The following MITF variants were observed in gnomAD, a reference collection of about 807,000 sequenced individuals.
The protein encoded by MITF is melanocyte inducing transcription factor.
In MITF, 17 loss-of-function variants were observed where a neutral mutation model predicts 60.5. That is an observed-to-expected ratio of 0.28 (90% CI 0.19 to 0.42). The LOEUF (loss-of-function observed/expected upper bound fraction) is 0.42, where lower values mean the gene tolerates loss of function less well. Ranked by LOEUF, MITF falls within the 10% of genes least tolerant of loss-of-function variation. The pLI is 1.00. For missense variants in MITF, 622 were observed against 683.5 expected (o/e 0.91, Z 1.00); for synonymous variants, 260 against 248.5 (o/e 1.05, Z -0.43).
intron 1 of MITF, among the ~76,000 whole-genome samples, chr3:69,740,302 G>C (rs1559602156): frequency 6.6e-6 from 1 of 152,182 alleles, no homozygotes; most frequent in Non-Finnish European, 1.5e-5. Context: ...CGCGGGAGGG[G>C]CCAGGGCAGC....
At position 69,867,511 on chromosome 3, in the gene MITF, T is replaced by A. The variant is rs561165615; in HGVS notation, c.105-11623T>A. Among the ~76,000 whole-genome samples, 6 of 152,290 alleles carry A rather than the reference T, an allele frequency of 3.9e-5. 1 individual carries two copies. Among genetic ancestry groups the A allele is most frequent in the African/African-American group, 1.4e-4 (6 of 41,564 alleles). On this transcript the variant is annotated intron_variant, in intron 1 of 9. Transcript: ENST00000352241. ...TAGATTTTTTTCATTCTTTATGTCG[T>A]CATAACAGCTTAATTACTCACCTCT... is the stretch of plus-strand genomic sequence containing the variant.
At chr3:69,950,570 G>A (rs2066223164) in intron 6 of MITF, among the ~76,000 whole-genome samples, 1 of 145,722 alleles carries the variant, frequency 6.9e-6, no homozygotes, top group African/African-American at 2.6e-5. Context: ...ATGGATGTAT[G>A]CATATAGATA....
At chr3:69,787,905 CTG>C (rs1359155812) in intron 1 of MITF, among the ~76,000 whole-genome samples, 2 of 152,116 alleles carry the variant, frequency 1.3e-5, no homozygotes, top group Non-Finnish European at 2.9e-5. Flanking sequence ...TGAGTGCTGA[CTG>C]TGTGCTGGGT....
At chr3:69,882,801 C>T (rs762042239) in intron 2 of MITF, among the ~76,000 whole-genome samples, 1 of 152,296 alleles carries the variant, frequency 6.6e-6, no homozygotes, top group African/African-American at 2.4e-5. Context: ...ATAGTTTTGT[C>T]TCTCTGACTT....
chr3:69,801,344 G>A (rs999151067), intron 1 of MITF, among the ~76,000 whole-genome samples: 4 of 152,086 alleles, frequency 2.6e-5, no homozygotes, highest in African/African-American at 4.8e-5. Flanking sequence ...AAGTTCAGCG[G>A]TCTTAAATCC....
At chr3:69,938,150 G>T in intron 3 of MITF, 101 bp downstream of exon 3, 1 of 1,349,360 alleles carries the variant, frequency 7.4e-7, no homozygotes, top group Non-Finnish European at 1.0e-6. Context: ...TTGTCCTTGT[G>T]GCCACATTTA....
chr3:69,952,782 A>G (rs535980289), intron 7 of MITF, among the ~76,000 whole-genome samples: 2 of 152,270 alleles, frequency 1.3e-5, no homozygotes, highest in Admixed American at 6.5e-5. Flanking sequence ...CACAAACGGT[A>G]TCATATTGTC....
At chr3:69,771,874 A>T (rs921173757) in intron 1 of MITF, among the ~76,000 whole-genome samples, 4 of 152,182 alleles carry the variant, frequency 2.6e-5, no homozygotes, top group Non-Finnish European at 5.9e-5. Flanking sequence ...TGCTTGATGC[A>T]TGAGAGGGAT....
At chr3:69,794,939 T>G (rs1225412538) in intron 1 of MITF, among the ~76,000 whole-genome samples, 1 of 152,232 alleles carries the variant, frequency 6.6e-6, no homozygotes, top group Non-Finnish European at 1.5e-5. Context: ...TAACAGTAGT[T>G]TGTACTTTTT....
chr3:69,857,063 C>T (rs925109222), intron 1 of MITF, among the ~76,000 whole-genome samples: 1 of 151,670 alleles, frequency 6.6e-6, no homozygotes. Context: ...AGTGCCTTCT[C>T]TGTGTCTGGA....
intron 2 of MITF, among the ~76,000 whole-genome samples, chr3:69,888,230 A>T (rs554702907): frequency 2.4e-4 from 37 of 152,166 alleles, no homozygotes; most frequent in African/African-American, 8.7e-4. Flanking sequence ...AACCAGAGAC[A>T]TTCCTGCCAG....
chr3:69,800,656 T>A (rs1213636838), intron 1 of MITF, among the ~76,000 whole-genome samples: 1 of 152,148 alleles, frequency 6.6e-6, no homozygotes, highest in African/African-American at 2.4e-5. Context: ...GCCATCCTAG[T>A]GTTGTGAAGT....
intron 1 of MITF, among the ~76,000 whole-genome samples, chr3:69,824,771 C>G (rs1185321519): frequency 1.3e-5 from 2 of 152,206 alleles, no homozygotes; most frequent in East Asian, 3.9e-4. Context: ...CAGCAGCTTC[C>G]TTTGGCACCT....
intron 4 of MITF, among the ~76,000 whole-genome samples, chr3:69,939,895 G>T (rs918988654): frequency 6.6e-6 from 1 of 152,092 alleles, no homozygotes; most frequent in South Asian, 2.1e-4. Context: ...AAGTTTCCTA[G>T]CCTATTTGCA....
At chr3:69,746,619 A>G (rs965210592) in intron 1 of MITF, among the ~76,000 whole-genome samples, 5 of 152,216 alleles carry the variant, frequency 3.3e-5, no homozygotes, top group African/African-American at 4.8e-5. Flanking sequence ...CCAAGTATGC[A>G]TTATTTGGAG....
rs562190679 is a variant in MITF at position 69,812,984 on chromosome 3, A to G, written c.105-66150A>G. On this transcript the variant is annotated intron_variant, in intron 1 of 9. Transcript: ENST00000352241. Reference sequence around the variant, plus strand: ...TGTGTAAGTGGCTCTGAGAAAGGTAATGATATTAATGCCCAAATGTACACT... The same window carrying G: ...TGTGTAAGTGGCTCTGAGAAAGGTAGTGATATTAATGCCCAAATGTACACT... 2.0e-5 allele frequency among the ~76,000 whole-genome samples: 3 copies of G among 152,286 alleles called. No individual in the cohort carries two copies. In the East Asian group the frequency reaches 5.8e-4, roughly 29 times the overall value.
intron 1 of MITF, among the ~76,000 whole-genome samples, chr3:69,872,553 A>T (rs1051673790): frequency 6.6e-6 from 1 of 152,226 alleles, no homozygotes; most frequent in African/African-American, 2.4e-5. Flanking sequence ...TAAAATATAT[A>T]TGAAGAAATG....
chr3:69,788,043 G>T lies in MITF; in HGVS notation c.104+48342G>T, dbSNP rs187128781. Reference sequence around the variant, plus strand: ...ACTGAGGTTAAATAAGGTTCACAAGGCTGCATAGACAGGCAGTGGTGGAGC... The same window carrying T: ...ACTGAGGTTAAATAAGGTTCACAAGTCTGCATAGACAGGCAGTGGTGGAGC... On this transcript the variant is annotated intron_variant, in intron 1 of 9. Transcript: ENST00000352241. 1.8e-3 allele frequency among the ~76,000 whole-genome samples: 267 copies of T among 152,094 alleles called. 1 individual carries two copies. Among genetic ancestry groups the T allele is most frequent in the African/African-American group, 6.3e-3 (262 of 41,508 alleles).
At chr3:69,752,812 G>T (rs919599249) in intron 1 of MITF, among the ~76,000 whole-genome samples, 1 of 152,148 alleles carries the variant, frequency 6.6e-6, no homozygotes, top group African/African-American at 2.4e-5. Flanking sequence ...TTAAAAGTGT[G>T]TAGGACCTCC....
Sources: allele counts gnomAD v4.1 joint callset (sites outside exome capture counted in the v4.1 genomes callset), GRCh38; gene constraint gnomAD v4.1.1; transcripts MANE v1.5; gene names NCBI Gene and HGNC (gene_info 2026-07-23, HGNC 2026-07-21).